Variants in CPEB3 observed in about 807,000 individuals in gnomAD.
CPEB3 encodes cytoplasmic polyadenylation element-binding protein 3.
Under a neutral mutation model 67.2 loss-of-function variants are expected in CPEB3, and 20 were observed. The ratio of observed to expected loss-of-function variants is 0.30; its 90% CI spans 0.21 to 0.43. The LOEUF (loss-of-function observed/expected upper bound fraction) is 0.43, where lower values mean the gene tolerates loss of function less well. Among genes scored for constraint, CPEB3 ranks in the 20% least tolerant of loss-of-function variants. The pLI is 1.00. For synonymous variants in CPEB3, 376 were observed against 393.1 expected (o/e 0.96, Z 0.51); for missense variants, 746 against 968.6 (o/e 0.77, Z 3.05).
intron 7 of CPEB3, among the ~76,000 whole-genome samples, chr10:92,104,406 G>A (rs1844339686): frequency 7.1e-6 from 1 of 140,866 alleles, no homozygotes; most frequent in Non-Finnish European, 1.5e-5. Context: ...TTTTTGAGAC[G>A]GAGTCTTATT....
intron 6 of CPEB3, among the ~76,000 whole-genome samples, chr10:92,132,953 C>T (rs1041356374): frequency 1.1e-4 from 16 of 152,036 alleles, no homozygotes; most frequent in Admixed American, 5.9e-4. Context: ...GAAATAAAGA[C>T]GTTCTTTGAA....
chr10:92,118,831 C>A, intron 6 of CPEB3: 1 of 772,980 alleles, frequency 1.3e-6, no homozygotes, highest in South Asian at 1.4e-5. Flanking sequence ...TCACTATCTA[C>A]AGTTGGTCTC....
intron 7 of CPEB3, among the ~76,000 whole-genome samples, chr10:92,092,417 A>G (rs1344685239): frequency 1.3e-5 from 2 of 152,204 alleles, no homozygotes; most frequent in African/African-American, 4.8e-5. Context: ...TCTTTCAGCA[A>G]TATGATTTAA....
chr10:92,151,852 T>C (rs1846981482), intron 4 of CPEB3, among the ~76,000 whole-genome samples: 1 of 152,198 alleles, frequency 6.6e-6, no homozygotes, highest in African/African-American at 2.4e-5. Flanking sequence ...GATCTATCTT[T>C]AATTTGTTCA....
At chr10:92,250,887 T>A (rs1415250396) in intron 1 of CPEB3, among the ~76,000 whole-genome samples, 1 of 141,734 alleles carries the variant, frequency 7.1e-6, no homozygotes, top group African/African-American at 2.6e-5. Context: ...TTTTTTTGTA[T>A]CTTTAATAGA....
chr10:92,192,973 A>C (rs1849056077), intron 2 of CPEB3, among the ~76,000 whole-genome samples: 1 of 152,166 alleles, frequency 6.6e-6, no homozygotes, highest in Non-Finnish European at 1.5e-5. Flanking sequence ...GCACTTTGAG[A>C]GGCCAAGGTG....
chr10:92,285,253 GTT>G (rs1842471966), intron 1 of CPEB3, among the ~76,000 whole-genome samples: 1 of 152,046 alleles, frequency 6.6e-6, no homozygotes, highest in Admixed American at 6.6e-5. Context: ...CTGCATTAAA[GTT>G]TCTTTCTTTC....
chr10:92,235,874 T>A (rs1472059254), intron 2 of CPEB3, among the ~76,000 whole-genome samples: 1 of 152,220 alleles, frequency 6.6e-6, no homozygotes, highest in African/African-American at 2.4e-5. Context: ...CCTAAACTTT[T>A]CTTGACAGCA....
intron 1 of CPEB3, among the ~76,000 whole-genome samples, chr10:92,251,389 TTCTCTC>T (rs140503056): frequency 2.7e-5 from 4 of 149,622 alleles, no homozygotes; most frequent in African/African-American, 4.9e-5. Context: ...TTCTCTCCTC[TTCTCTC>T]TCTCTCTCTC....
chr10:92,242,036 C>G (rs905260784), intron 1 of CPEB3, among the ~76,000 whole-genome samples: 11 of 152,072 alleles, frequency 7.2e-5, no homozygotes, highest in Non-Finnish European at 4.4e-5. Flanking sequence ...ATCAACATAT[C>G]AGAAAATGAA....
In CPEB3 at chr10:92,119,160, T is replaced by G. The variant is rs751724110; in HGVS notation, c.1454-7966A>C. 507 of 1,582,350 alleles carry G rather than the reference T, an allele frequency of 3.2e-4. 2 individuals carry two copies. Among genetic ancestry groups the G allele is most frequent in the Non-Finnish European group, 1.7e-4 (198 of 1,152,092 alleles). Reference sequence around the variant, plus strand: ...TTGTCCTCTGTAGGGCCGGCAGCCATATGAAGAACGGAGGTTCCCAGCATC... The same window carrying G: ...TTGTCCTCTGTAGGGCCGGCAGCCAGATGAAGAACGGAGGTTCCCAGCATC... On this transcript the variant is annotated intron_variant, in intron 6 of 9. Transcript: ENST00000265997.
intron 2 of CPEB3, among the ~76,000 whole-genome samples, chr10:92,238,247 C>T (rs907427995): frequency 6.6e-6 from 1 of 152,182 alleles, no homozygotes; most frequent in East Asian, 1.9e-4. Flanking sequence ...TAAGTGTTTG[C>T]CTGGGAGCAA....
At chr10:92,093,321 G>C (rs1410477761) in intron 7 of CPEB3, among the ~76,000 whole-genome samples, 3 of 152,150 alleles carry the variant, frequency 2.0e-5, no homozygotes, top group East Asian at 3.8e-4. Flanking sequence ...TAATGGAATT[G>C]TTCATTTCCC....
intron 1 of CPEB3, among the ~76,000 whole-genome samples, chr10:92,263,651 A>G (rs989642754): frequency 2.0e-4 from 30 of 152,140 alleles, no homozygotes; most frequent in Admixed American, 1.4e-3. Context: ...AGCAAAATAT[A>G]CAGTGGGACA....
rs1429699486 is a variant in CPEB3 at position 92,048,874 on chromosome 10, AATTT to A, written c.*3334_*3337del. 6.6e-6 allele frequency: 1 copy of A among 152,328 alleles called. No homozygotes were observed. The highest frequency in any genetic ancestry group is 1.5e-5 in the Non-Finnish European group (1 of 67,778). 9.4% of individuals were successfully genotyped at this position (152,328 alleles called of 1,614,324 possible). ...TTTAAAGAATTAGCATCATAAAATT[AATTT>A]ATTCCAATAAAAATACAAAATAATA... On this transcript the variant is annotated 3_prime_UTR_variant, in exon 10 of 10. Transcript: ENST00000265997. This position sits in a 1 kb window ranked among gnomAD's most constrained non-coding sequence, Gnocchi z 4.1.
intron 5 of CPEB3, 75 bp downstream of exon 5, chr10:92,144,870 G>T: frequency 3.7e-6 from 5 of 1,355,722 alleles, no homozygotes; most frequent in Non-Finnish European, 4.2e-6. Context: ...AAGTTGACTT[G>T]GAGAGGAGAG....
intron 1 of CPEB3, among the ~76,000 whole-genome samples, chr10:92,267,699 A>G (rs992998542): frequency 2.0e-5 from 3 of 152,192 alleles, no homozygotes; most frequent in Non-Finnish European, 4.4e-5. Flanking sequence ...GATGGAAAGG[A>G]CTGAACAGGA....
chr10:92,289,740 TA>T (rs1842731328), intron 1 of CPEB3, among the ~76,000 whole-genome samples: 1 of 55,918 alleles, frequency 1.8e-5, no homozygotes, highest in Non-Finnish European at 3.2e-5. Context: ...AAAATATATA[TA>T]TATATATATA....
In CPEB3 at chr10:92,183,421, G is replaced by T. The variant is rs1348327995; in HGVS notation, c.1166-2402C>A. ...ATCAGAACCTATAATAGGAAAAACTGTCACCAGAACAAGGCTTTCACTCAG... is the reference window on the plus strand; with the variant it reads ...ATCAGAACCTATAATAGGAAAAACTTTCACCAGAACAAGGCTTTCACTCAG... On this transcript the variant is annotated intron_variant, in intron 3 of 9. Coordinates refer to ENST00000265997, the MANE Select transcript of CPEB3 (RefSeq NM_014912.5). 3.3e-5 allele frequency among the ~76,000 whole-genome samples: 5 copies of T among 152,254 alleles called. No homozygotes were observed. The East Asian group carries it at 9.6e-4, about 29-fold the overall frequency.
Sources: allele counts gnomAD v4.1 joint callset (sites outside exome capture counted in the v4.1 genomes callset), GRCh38; gene constraint gnomAD v4.1.1; non-coding constraint Gnocchi (gnomAD v3.1); transcripts MANE v1.5; gene names NCBI Gene and HGNC (gene_info 2026-07-23, HGNC 2026-07-21).